Variants in DLG2 observed in about 807,000 individuals in gnomAD.
DLG2 encodes disks large homolog 2.
In DLG2, 45 loss-of-function variants were observed where a neutral mutation model predicts 132.5. The ratio of observed to expected loss-of-function variants is 0.34; its 90% confidence interval spans 0.27 to 0.44. DLG2 has a LOEUF of 0.44. DLG2 is among the 20% of genes least tolerant of loss of function. The probability of loss-of-function intolerance (pLI) is 1.00; values close to 1 mark genes in which losing one functional copy is unlikely to be tolerated. For missense variants in DLG2, 1,045 were observed against 1,196.9 expected, an observed-to-expected ratio of 0.87 and a Z score of 1.87; for synonymous variants, 424 against 419.6, an observed-to-expected ratio of 1.01 and a Z score of -0.13.
chr11:84,064,556 T>A (rs1391110335), intron 10 of DLG2, among the ~76,000 whole-genome samples: 2 of 152,190 alleles, frequency 1.3e-5, no homozygotes, highest in African/African-American at 4.8e-5. Flanking sequence ...GAGATTGTTA[T>A]TGACTGATTG....
intron 3 of DLG2, among the ~76,000 whole-genome samples, chr11:85,353,901 T>C (rs1051969417): frequency 2.0e-5 from 3 of 151,814 alleles, no homozygotes; most frequent in African/African-American, 7.3e-5. Flanking sequence ...GATGAGTTAA[T>C]GGGTGCAGCA....
intron 8 of DLG2, among the ~76,000 whole-genome samples, chr11:84,245,274 GC>G (rs987024985): frequency 6.6e-6 from 1 of 151,874 alleles, no homozygotes; most frequent in African/African-American, 2.4e-5. Flanking sequence ...CTTGTCCTTG[GC>G]CCCAGAATCA....
intron 18 of DLG2, among the ~76,000 whole-genome samples, chr11:83,774,230 C>T (rs2094503215): frequency 6.6e-6 from 1 of 152,152 alleles, no homozygotes; most frequent in Non-Finnish European, 1.5e-5. Context: ...CACAGTCTCC[C>T]AAGGGTTTTC....
chr11:84,375,711 A>T (rs2098726343), intron 7 of DLG2, among the ~76,000 whole-genome samples: 1 of 151,908 alleles, frequency 6.6e-6, no homozygotes. Context: ...ATATTTTAAT[A>T]CTGATTGTTA....
At chr11:84,489,273 G>A (rs1279196802) in intron 7 of DLG2, among the ~76,000 whole-genome samples, 8 of 152,022 alleles carry the variant, frequency 5.3e-5, no homozygotes, top group African/African-American at 1.2e-4. Flanking sequence ...TTTATGTTCC[G>A]AAGGATAATG....
chr11:84,392,767 A>C (rs2098797050), intron 7 of DLG2, among the ~76,000 whole-genome samples: 1 of 152,198 alleles, frequency 6.6e-6, no homozygotes, highest in Admixed American at 6.5e-5. Flanking sequence ...TACACCTTTG[A>C]AATTATAACG....
intron 6 of DLG2, among the ~76,000 whole-genome samples, chr11:84,773,757 T>G (rs545777439): frequency 6.6e-5 from 10 of 152,258 alleles, no homozygotes; most frequent in Non-Finnish European, 1.3e-4. Context: ...ATAATGACCC[T>G]CAACAAACTA....
At chr11:84,583,466 T>C (rs1176952093) in intron 6 of DLG2, among the ~76,000 whole-genome samples, 3 of 152,254 alleles carry the variant, frequency 2.0e-5, no homozygotes, top group African/African-American at 7.2e-5. Flanking sequence ...TCCATTTTTG[T>C]TTTAAGGGTT....
intron 11 of DLG2, among the ~76,000 whole-genome samples, chr11:83,994,093 A>G (rs1003576163): frequency 6.6e-6 from 1 of 152,102 alleles, no homozygotes; most frequent in Non-Finnish European, 1.5e-5. Flanking sequence ...CACTGACCAC[A>G]TCTAACGGTT....
intron 3 of DLG2, among the ~76,000 whole-genome samples, chr11:85,372,115 G>A (rs993811322): frequency 1.3e-5 from 2 of 152,202 alleles, no homozygotes; most frequent in Non-Finnish European, 2.9e-5. Flanking sequence ...ATCTCCAGCT[G>A]TAGCTCCGAA....
At chr11:85,446,033 CT>C (rs1303507722) in intron 3 of DLG2, among the ~76,000 whole-genome samples, 1 of 152,182 alleles carries the variant, frequency 6.6e-6, no homozygotes, top group Admixed American at 6.5e-5. Flanking sequence ...CAACTTGTGG[CT>C]TTGTTTGTTA....
intron 7 of DLG2, among the ~76,000 whole-genome samples, chr11:84,442,598 GC>G: frequency 6.6e-6 from 1 of 152,100 alleles, no homozygotes; most frequent in East Asian, 1.9e-4. Flanking sequence ...GTTGATGGGT[GC>G]AGCAAACCAC....
intron 7 of DLG2, among the ~76,000 whole-genome samples, chr11:84,334,016 G>A (rs1391975389): frequency 6.6e-6 from 1 of 152,154 alleles, no homozygotes; most frequent in African/African-American, 2.4e-5. Flanking sequence ...CTGTAGAGGG[G>A]AGAGACACTT....
intron 3 of DLG2, among the ~76,000 whole-genome samples, chr11:85,296,938 G>A (rs900656199): frequency 2.7e-5 from 4 of 149,430 alleles, no homozygotes; most frequent in Non-Finnish European, 4.4e-5. Flanking sequence ...ATAATTTATT[G>A]TAGTGTACAA....
chr11:83,901,279 G>T (rs2073351186), intron 15 of DLG2, among the ~76,000 whole-genome samples: 1 of 152,182 alleles, frequency 6.6e-6, no homozygotes, highest in African/African-American at 2.4e-5. Flanking sequence ...GAATTTGGGG[G>T]TTGTTGGGAA....
At chr11:83,654,165 A>G (rs562636722) in intron 18 of DLG2, among the ~76,000 whole-genome samples, 2 of 152,160 alleles carry the variant, frequency 1.3e-5, no homozygotes, top group South Asian at 2.1e-4. Context: ...TTCTCACCCA[A>G]TCTGGTTCTT....
At chr11:84,687,599 A>G (rs1309597164) in intron 6 of DLG2, among the ~76,000 whole-genome samples, 1 of 152,026 alleles carries the variant, frequency 6.6e-6, no homozygotes, top group Non-Finnish European at 1.5e-5. Flanking sequence ...ACTCTATTTC[A>G]CTCTTATGAC....
At chr11:84,277,803 C>CT (rs2097796883) in intron 7 of DLG2, among the ~76,000 whole-genome samples, 2 of 152,082 alleles carry the variant, frequency 1.3e-5, no homozygotes, top group Admixed American at 1.3e-4. Flanking sequence ...TCTAGCAAGA[C>CT]TGATTAGGAG....
intron 7 of DLG2, among the ~76,000 whole-genome samples, chr11:84,520,338 T>C (rs72943756): frequency 5.9e-5 from 9 of 152,326 alleles, no homozygotes; most frequent in Admixed American, 2.0e-4. Context: ...ATGTTCCCAT[T>C]TGACATGGTT....
Sources: allele counts gnomAD v4.1 joint callset (sites outside exome capture counted in the v4.1 genomes callset), GRCh38; gene constraint gnomAD v4.1.1; transcripts MANE v1.5; gene names NCBI Gene and HGNC (gene_info 2026-07-23, HGNC 2026-07-21).